ADAM10: variants seen among roughly 807,000 people sequenced by gnomAD.
The protein encoded by ADAM10 is ADAM metallopeptidase domain 10, also known as disintegrin and metalloproteinase domain-containing protein 10.
A neutral mutation model predicts 90.1 loss-of-function variants in ADAM10; 17 were observed. The observed-to-expected ratio is 0.19, with a 90% confidence interval of 0.13 to 0.28. The LOEUF (loss-of-function observed/expected upper bound fraction) is 0.28. ADAM10 is among the 10% of genes least tolerant of loss of function. ADAM10 has a pLI of 1.00. For synonymous variants in ADAM10, 310 were observed against 298.6 expected, an observed-to-expected ratio of 1.04 and a Z score of -0.40; for missense variants, 610 against 914.3, an observed-to-expected ratio of 0.67 and a Z score of 4.29.
chr15:58,660,590 T>C (rs766380405), intron 5 of ADAM10, among the ~76,000 whole-genome samples: 9 of 152,252 alleles, frequency 5.9e-5, no homozygotes, highest in Non-Finnish European at 1.3e-4. Flanking sequence ...TTATATTTAA[T>C]GCAGTCATCA....
At chr15:58,630,044 G>A (rs1732010934) in intron 9 of ADAM10, among the ~76,000 whole-genome samples, 1 of 152,054 alleles carries the variant, frequency 6.6e-6, no homozygotes, top group South Asian at 2.1e-4. Context: ...AAAGTGCTGG[G>A]ATTACAGGTG....
intron 5 of ADAM10, among the ~76,000 whole-genome samples, chr15:58,652,936 T>C (rs1199256777): frequency 6.6e-6 from 1 of 152,186 alleles, no homozygotes; most frequent in Non-Finnish European, 1.5e-5. Flanking sequence ...AGAGATCTTT[T>C]ACTTCTTTGG....
Position 58,693,006 on chromosome 15 carries a change from C to A in ADAM10, c.207-10692G>T, listed in dbSNP as rs543119422. 4 of 781,116 alleles carry A rather than the reference C, an allele frequency of 5.1e-6. No homozygotes were observed. In the Admixed American group the frequency reaches 5.3e-5, roughly 10 times the overall value. 48.4% of individuals were successfully genotyped at this position (781,116 alleles called of 1,614,324 possible). A position where few individuals can be genotyped will look rare whatever the true frequency, so the allele number is the denominator to read the frequency against. ...TTTTCAGTTCTTTACCACCGTCCAACTTGGAAGGGTCTGTCAGGCTCTCAT... is the reference window on the plus strand; with the variant it reads ...TTTTCAGTTCTTTACCACCGTCCAAATTGGAAGGGTCTGTCAGGCTCTCAT... On this transcript the variant is annotated intron_variant, in intron 2 of 15. Coordinates refer to ENST00000260408, the MANE Select transcript of ADAM10 (RefSeq NM_001110.4).
chr15:58,696,511 A>C (rs1279054829), intron 2 of ADAM10, among the ~76,000 whole-genome samples: 1 of 146,618 alleles, frequency 6.8e-6, no homozygotes, highest in Admixed American at 6.9e-5. Context: ...TCTCGCCCAG[A>C]CTAGAGTGCA....
chr15:58,644,298 C>T (rs1222157248), intron 6 of ADAM10, among the ~76,000 whole-genome samples: 2 of 150,160 alleles, frequency 1.3e-5, no homozygotes, highest in African/African-American at 2.5e-5. Flanking sequence ...GTTGCAATCT[C>T]GGCTCACTGC....
intron 2 of ADAM10, among the ~76,000 whole-genome samples, chr15:58,706,336 G>A (rs1898287434): frequency 6.6e-6 from 1 of 152,096 alleles, no homozygotes; most frequent in Non-Finnish European, 1.5e-5. Flanking sequence ...AATGAAGCAG[G>A]CCTATGACAG....
intron 2 of ADAM10, among the ~76,000 whole-genome samples, chr15:58,713,886 C>T (rs1288312238): frequency 1.3e-5 from 2 of 151,312 alleles, no homozygotes; most frequent in Non-Finnish European, 2.9e-5. Context: ...GATCTCGGCT[C>T]ACTGCAACCT....
At chr15:58,737,012 A>G (rs1190961401) in intron 1 of ADAM10, among the ~76,000 whole-genome samples, 5 of 152,048 alleles carry the variant, frequency 3.3e-5, no homozygotes. Flanking sequence ...GTGGCAGAAA[A>G]ATGACCAGCA....
rs201147496 is a variant in ADAM10, at chr15:58,640,929, G to C, written c.860C>G (p.Thr287Arg). 1 of 1,614,106 alleles carries C rather than the reference G, an allele frequency of 6.2e-7. No homozygotes were observed. Among genetic ancestry groups the C allele is most frequent in the Non-Finnish European group, 8.5e-7 (1 of 1,179,966 alleles). The change falls in exon 8 of 16, where the codon ACA becomes AGA. Residue 287 changes from threonine to arginine, a missense_variant. By Grantham distance (71) the Thr-to-Arg change is moderately conservative. Coordinates refer to ENST00000260408, the MANE Select transcript of ADAM10 (RefSeq NM_001110.4). ...AATATTTGGGAAACGGAAAGGATTT[G>C]TAGGGTCCTTCTCATCAGCAGTTGT... ...INTTADEKDP[T>R]NPFRFPNIGV...
Position 58,594,777 on chromosome 15 carries a change from CAATATT to C in ADAM10, c.*2764_*2769del, listed in dbSNP as rs1159850048. Reference sequence around the variant, plus strand: ...CTAATTTATAATTACCCAAATCAATCAATATTGAGAGTTTCATAAATAACTAAACAT... The same window carrying C: ...CTAATTTATAATTACCCAAATCAATCGAGAGTTTCATAAATAACTAAACAT... On this transcript the variant is annotated 3_prime_UTR_variant, in exon 16 of 16. Coordinates refer to ENST00000260408, the MANE Select transcript of ADAM10 (RefSeq NM_001110.4). 3 of 152,066 alleles carry C rather than the reference CAATATT, an allele frequency of 2.0e-5. No homozygotes were observed. The highest frequency in any genetic ancestry group is 7.2e-5 in the African/African-American group (3 of 41,406). 9.4% of individuals were successfully genotyped at this position (152,066 alleles called of 1,614,324 possible).
chr15:58,729,962 AAAAAAC>A (rs777912120), intron 1 of ADAM10, among the ~76,000 whole-genome samples: 91 of 144,474 alleles, frequency 6.3e-4, no homozygotes, highest in African/African-American at 1.6e-3. Flanking sequence ...GCTCTGTAAA[AAAAAAC>A]AAAAACAAAA....
At chr15:58,719,696 A>C (rs776885651) in intron 1 of ADAM10, among the ~76,000 whole-genome samples, 1 of 152,138 alleles carries the variant, frequency 6.6e-6, no homozygotes, top group Non-Finnish European at 1.5e-5. Context: ...AAGACAGTAC[A>C]TTTTACCTTA....
At chr15:58,705,417 T>C (rs1420721594) in intron 2 of ADAM10, among the ~76,000 whole-genome samples, 1 of 152,156 alleles carries the variant, frequency 6.6e-6, no homozygotes, top group Non-Finnish European at 1.5e-5. Flanking sequence ...TTGTAAAGAA[T>C]GGAGTGAAGT....
chr15:58,749,421 G>T lies in ADAM10; in HGVS notation c.55+59C>A, dbSNP rs1416779949. On this transcript the variant is annotated intron_variant, in intron 1 of 15. Transcript: ENST00000260408. ...CGCGAGGCGCGACTGGGCTCCGCTCGGCCCGGCCGCCGCTCCGCCGTGGTC... is the reference window on the plus strand; with the variant it reads ...CGCGAGGCGCGACTGGGCTCCGCTCTGCCCGGCCGCCGCTCCGCCGTGGTC... 4 of 1,482,440 alleles carry T rather than the reference G, an allele frequency of 2.7e-6. No individual in the cohort carries two copies. The African/African-American group carries it at 5.8e-5, about 22-fold the overall frequency. 91.8% of individuals were successfully genotyped at this position (1,482,440 alleles called of 1,614,324 possible). A position where few individuals can be genotyped will look rare whatever the true frequency, so the allele number is the denominator to read the frequency against.
intron 2 of ADAM10, among the ~76,000 whole-genome samples, chr15:58,683,102 TTATAACG>T (rs753267010): frequency 4.0e-4 from 61 of 152,164 alleles, no homozygotes; most frequent in Admixed American, 1.3e-4. Flanking sequence ...ATTAGAGATT[TTATAACG>T]TATATAAAGT....
intron 2 of ADAM10, among the ~76,000 whole-genome samples, chr15:58,684,291 T>A (rs1897527497): frequency 6.6e-6 from 1 of 152,192 alleles, no homozygotes; most frequent in Non-Finnish European, 1.5e-5. Flanking sequence ...CCTTGGAATA[T>A]CCTCAGTGAT....
intron 5 of ADAM10, among the ~76,000 whole-genome samples, chr15:58,648,414 A>G (rs1596026855): frequency 6.6e-6 from 1 of 152,182 alleles, no homozygotes; most frequent in East Asian, 1.9e-4. Flanking sequence ...TATATTTACA[A>G]TCATGTTATT....
intron 2 of ADAM10, among the ~76,000 whole-genome samples, chr15:58,712,049 T>C (rs1346545537): frequency 6.6e-6 from 1 of 152,128 alleles, no homozygotes; most frequent in African/African-American, 2.4e-5. Flanking sequence ...GCGATCAATC[T>C]TGCAATGAAG....
intron 9 of ADAM10, among the ~76,000 whole-genome samples, chr15:58,631,466 G>C (rs1234667467): frequency 1.2e-4 from 18 of 152,132 alleles, no homozygotes; most frequent in African/African-American, 4.3e-4. Flanking sequence ...AGTGAAAAGA[G>C]AATGGTCTAG....
Sources: gnomAD v4.1 joint callset for allele counts (sites outside exome capture counted in the v4.1 genomes callset) on GRCh38, gnomAD v4.1.1 for gene constraint, MANE v1.5 for transcripts, NCBI Gene and HGNC (gene_info 2026-07-23, HGNC 2026-07-21) for gene names.